The following SLC2A10 variants were observed in gnomAD, a reference collection of about 807,000 sequenced individuals.
The protein encoded by SLC2A10 is solute carrier family 2 member 10, also known as solute carrier family 2, facilitated glucose transporter member 10.
SLC2A10 carries 25 observed loss-of-function variants against 32.1 expected under a neutral mutation model. That is an observed-to-expected ratio of 0.78 (90% CI 0.57 to 1.09). The LOEUF is 1.09. Among genes scored for constraint, SLC2A10 ranks in the 50% least tolerant of loss-of-function variants. The pLI, the probability that SLC2A10 is intolerant of heterozygous loss-of-function variation, is 0.00. For missense variants in SLC2A10, 673 were observed against 686.5 expected (o/e 0.98, Z 0.22); for synonymous variants, 332 against 309.6 (o/e 1.07, Z -0.76).
At chr20:46,709,767 T>G in intron 1 of SLC2A10, 27 bp downstream of exon 1, 1 of 1,547,182 alleles carries the variant, frequency 6.5e-7, no homozygotes, top group Non-Finnish European at 8.7e-7. Flanking sequence ...CGCTGCCTGC[T>G]GGAAGCCCGA....
In SLC2A10 at chr20:46,735,506, A is replaced by G. The variant is rs1261159638; in HGVS notation, c.*1672A>G. The G allele has an allele frequency of 3.9e-5, 6 of 152,232 alleles. No individual in the cohort carries two copies. Among genetic ancestry groups the G allele is most frequent in the Non-Finnish European group, 7.3e-5 (5 of 68,040 alleles). 9.4% of individuals were successfully genotyped at this position (152,232 alleles called of 1,614,324 possible). A position where few individuals can be genotyped will look rare whatever the true frequency, so the allele number is the denominator to read the frequency against. On this transcript the variant is annotated 3_prime_UTR_variant, in exon 5 of 5. Transcript: ENST00000359271. The stretch of plus-strand genomic sequence containing the variant: ...CTTAATTTTACTACCTGTTACTATT[A>G]TCTGTGCTTTTGAGGCTATTTCTAC...
chr20:46,713,129 A>G (rs1356900379), intron 1 of SLC2A10, among the ~76,000 whole-genome samples: 1 of 152,192 alleles, frequency 6.6e-6, no homozygotes, highest in Non-Finnish European at 1.5e-5. Context: ...TGTTTAACAA[A>G]TATTATTGAT....
chr20:46,711,518 A>T (rs1262617807), intron 1 of SLC2A10, among the ~76,000 whole-genome samples: 1 of 152,166 alleles, frequency 6.6e-6, no homozygotes, highest in Non-Finnish European at 1.5e-5. Context: ...CAGAGAGGTC[A>T]AGGTCTTCTT....
At chr20:46,712,558 C>A (rs1458665214) in intron 1 of SLC2A10, among the ~76,000 whole-genome samples, 1 of 151,938 alleles carries the variant, frequency 6.6e-6, no homozygotes, top group African/African-American at 2.4e-5. Context: ...AGGATGCACA[C>A]TTGCTAAACT....
intron 1 of SLC2A10, among the ~76,000 whole-genome samples, chr20:46,720,585 T>A (rs1600662451): frequency 6.6e-6 from 1 of 152,328 alleles, no homozygotes; most frequent in South Asian, 2.1e-4. Flanking sequence ...GATACGGAAG[T>A]CAGAATTATT....
chr20:46,716,140 G>A (rs540232843), intron 1 of SLC2A10, among the ~76,000 whole-genome samples: 2 of 150,366 alleles, frequency 1.3e-5, no homozygotes, highest in Admixed American at 6.6e-5. Flanking sequence ...ACCTCATAAC[G>A]TTGGGGTGAG....
chr20:46,727,908 A>G (rs772498747), intron 3 of SLC2A10, among the ~76,000 whole-genome samples: 61 of 152,050 alleles, frequency 4.0e-4, no homozygotes, highest in Non-Finnish European at 2.8e-4. Context: ...GGTGCAGCCA[A>G]CTTGGGAGGC....
intron 4 of SLC2A10, 98 bp from the exon 5 acceptor site, chr20:46,733,658 G>T: frequency 1.1e-6 from 1 of 891,046 alleles, no homozygotes; most frequent in Non-Finnish European, 1.9e-6. Flanking sequence ...AGGAGTGAAG[G>T]TGGGATTGGG....
rs1367483901 is a variant in SLC2A10 at position 46,720,570 on chromosome 20, T to C, written c.5-4471T>C. Among the ~76,000 whole-genome samples the C allele has an allele frequency of 3.3e-5, 5 of 152,330 alleles. No homozygotes were observed. In the East Asian group the frequency reaches 7.7e-4, roughly 23 times the overall value. ...TAATCTAGGACTAAAAACCTCACAT[T>C]GTAAGATACGGAAGTCAGAATTATT... On this transcript the variant is annotated intron_variant, in intron 1 of 4. Transcript: ENST00000359271.
intron 1 of SLC2A10, among the ~76,000 whole-genome samples, chr20:46,723,349 C>A (rs1979666527): frequency 6.6e-6 from 1 of 151,938 alleles, no homozygotes; most frequent in African/African-American, 2.4e-5. Context: ...TTTCAATGTC[C>A]CACCAAAAAA....
At chr20:46,716,437 G>T (rs1462191757) in intron 1 of SLC2A10, among the ~76,000 whole-genome samples, 4 of 152,142 alleles carry the variant, frequency 2.6e-5, no homozygotes, top group African/African-American at 7.2e-5. Flanking sequence ...ACAGGCGTGA[G>T]CCACCACACC....
chr20:46,710,982 C>T (rs1978877644), intron 1 of SLC2A10, among the ~76,000 whole-genome samples: 1 of 152,124 alleles, frequency 6.6e-6, no homozygotes, highest in African/African-American at 2.4e-5. Context: ...AAGCAATTCT[C>T]CTGCCTCAGC....
intron 1 of SLC2A10, among the ~76,000 whole-genome samples, chr20:46,711,984 G>A (rs146881445): frequency 2.2e-4 from 33 of 152,300 alleles, no homozygotes; most frequent in African/African-American, 7.5e-4. Flanking sequence ...CAGACTGCCC[G>A]AGTTCAAGTT....
At chr20:46,713,436 C>T (rs527990248) in intron 1 of SLC2A10, among the ~76,000 whole-genome samples, 2 of 151,516 alleles carry the variant, frequency 1.3e-5, no homozygotes, top group Non-Finnish European at 2.9e-5. Context: ...CATGGAGGGA[C>T]AGGACTTCCC....
chr20:46,724,182 C>T (rs2123037548), intron 1 of SLC2A10, among the ~76,000 whole-genome samples: 1 of 152,350 alleles, frequency 6.6e-6, no homozygotes, highest in South Asian at 2.1e-4. Flanking sequence ...TTTTTTATGA[C>T]ATCTTCACTA....
At chr20:46,729,936 A>G (rs963758387) in intron 4 of SLC2A10, among the ~76,000 whole-genome samples, 2 of 152,082 alleles carry the variant, frequency 1.3e-5, no homozygotes, top group African/African-American at 4.8e-5. Flanking sequence ...GGCCGGCACT[A>G]TGAGTTTTGT....
chr20:46,728,938 T>G lies in SLC2A10; in HGVS notation c.1412-415T>G, dbSNP rs139988133. On this transcript the variant is annotated intron_variant, in intron 3 of 4. Coordinates refer to ENST00000359271, the MANE Select transcript of SLC2A10 (RefSeq NM_030777.4). ...CTGCACCAAGCCCAATTCATGAAATTTCTAAGGATTTTTTTTTTTTCAAAC... is the reference window on the plus strand; with the variant it reads ...CTGCACCAAGCCCAATTCATGAAATGTCTAAGGATTTTTTTTTTTTCAAAC... Among the ~76,000 whole-genome samples the G allele has an allele frequency of 8.1e-3, 1,226 of 151,946 alleles. 21 individuals carry two copies. The highest frequency in any genetic ancestry group is 0.028 in the African/African-American group (1,162 of 41,320).
chr20:46,720,134 C>A (rs967153601), intron 1 of SLC2A10, among the ~76,000 whole-genome samples: 13 of 152,330 alleles, frequency 8.5e-5, no homozygotes, highest in African/African-American at 3.1e-4. Context: ...CATGAGCAAA[C>A]TGACACTGAG....
At chr20:46,716,402 C>T (rs1006779315) in intron 1 of SLC2A10, among the ~76,000 whole-genome samples, 16 of 152,166 alleles carry the variant, frequency 1.1e-4, no homozygotes, top group African/African-American at 3.6e-4. Flanking sequence ...ATCCGCCCGC[C>T]TCAGCCTCCC....
Sources: gnomAD v4.1 joint callset for allele counts (sites outside exome capture counted in the v4.1 genomes callset) on GRCh38, gnomAD v4.1.1 for gene constraint, MANE v1.5 for transcripts, NCBI Gene and HGNC (gene_info 2026-07-23, HGNC 2026-07-21) for gene names.